CENPP: variants seen among roughly 807,000 people sequenced by gnomAD.
The protein encoded by CENPP is centromere protein P.
In CENPP, 24 loss-of-function variants were observed where a neutral mutation model predicts 35.6. The ratio of observed to expected loss-of-function variants is 0.67; its 90% CI spans 0.49 to 0.95. CENPP has a LOEUF of 0.95. CENPP is among the 40% of genes least tolerant of loss of function. The pLI is 0.00. For synonymous variants in CENPP, 120 were observed against 125.5 expected (o/e 0.96, Z 0.29); for missense variants, 332 against 345.3 (o/e 0.96, Z 0.31).
intron 1 of CENPP, among the ~76,000 whole-genome samples, chr9:92,327,854 G>A (rs935114858): frequency 1.3e-5 from 2 of 152,090 alleles, no homozygotes; most frequent in Non-Finnish European, 2.9e-5. Context: ...AAAGGTAGGG[G>A]GTATGTGACT....
At chr9:92,606,086 C>A (rs1421316758) in intron 5 of CENPP, among the ~76,000 whole-genome samples, 1 of 151,980 alleles carries the variant, frequency 6.6e-6, no homozygotes, top group African/African-American at 2.4e-5. Context: ...CATGGCAAAA[C>A]CCTGTCCCTA....
chr9:92,565,293 T>TAAAAAAAAAA lies in CENPP; in HGVS notation c.565-46000_565-45991dup, dbSNP rs3078380. Among the ~76,000 whole-genome samples the TAAAAAAAAAA allele has an allele frequency of 6.0e-4, 20 of 33,150 alleles. 1 individual carries two copies. Among genetic ancestry groups the TAAAAAAAAAA allele is most frequent in the African/African-American group, 7.1e-4 (5 of 7,090 alleles). 21.7% of individuals were successfully genotyped at this position (33,150 alleles called of 152,430 possible). ...ACTAACACTATGATAGCTGATGAGC[T>TAAAAAAAAAA]AAAAAAAAAAAAAAAAAAAAAAAAA... On this transcript the variant is annotated intron_variant, in intron 5 of 7. Coordinates refer to ENST00000375587, the MANE Select transcript of CENPP (RefSeq NM_001012267.3).
At chr9:92,494,083 C>A in intron 5 of CENPP, 1 of 1,597,426 alleles carries the variant, frequency 6.3e-7, no homozygotes, top group Middle Eastern at 1.7e-4. Flanking sequence ...CTTATTGCCT[C>A]TACCAGAGAG....
At chr9:92,473,076 T>C (rs1262917530) in intron 5 of CENPP, among the ~76,000 whole-genome samples, 1 of 152,052 alleles carries the variant, frequency 6.6e-6, no homozygotes, top group African/African-American at 2.4e-5. Flanking sequence ...TATTCTTAGG[T>C]GGATTTTGTT....
At chr9:92,498,582 A>G (rs1321933118) in intron 5 of CENPP, among the ~76,000 whole-genome samples, 1 of 151,846 alleles carries the variant, frequency 6.6e-6, no homozygotes, top group Admixed American at 6.6e-5. Context: ...AAAAGAAAAG[A>G]GCAATTTCTA....
intron 5 of CENPP, among the ~76,000 whole-genome samples, chr9:92,438,202 C>T (rs1844295230): frequency 6.6e-6 from 1 of 152,068 alleles, no homozygotes; most frequent in Non-Finnish European, 1.5e-5. Flanking sequence ...CCTGTTTCTT[C>T]CAGAAGTTTT....
At chr9:92,398,793 G>T (rs536118369) in intron 5 of CENPP, among the ~76,000 whole-genome samples, 1 of 152,096 alleles carries the variant, frequency 6.6e-6, no homozygotes, top group Non-Finnish European at 1.5e-5. Context: ...AAAGTTGGCC[G>T]GGAGTGGTGG....
intron 5 of CENPP, among the ~76,000 whole-genome samples, chr9:92,585,628 C>A (rs1172423767): frequency 6.6e-6 from 1 of 152,168 alleles, no homozygotes; most frequent in African/African-American, 2.4e-5. Flanking sequence ...ATCAGTATCT[C>A]CTCTGAAACC....
At chr9:92,575,892 C>T (rs1044064972) in intron 5 of CENPP, among the ~76,000 whole-genome samples, 4 of 152,028 alleles carry the variant, frequency 2.6e-5, no homozygotes, top group East Asian at 1.9e-4. Context: ...AGAACCGTTG[C>T]GCGCTGTTAT....
chr9:92,343,681 C>G (rs888002880), intron 3 of CENPP, among the ~76,000 whole-genome samples: 1 of 152,194 alleles, frequency 6.6e-6, no homozygotes, highest in African/African-American at 2.4e-5. Context: ...CACATTGGCT[C>G]ACGCCTATAA....
intron 5 of CENPP, among the ~76,000 whole-genome samples, chr9:92,504,396 G>A (rs568168067): frequency 7.9e-5 from 12 of 152,298 alleles, no homozygotes; most frequent in Admixed American, 5.2e-4. Context: ...GGCTGCAGCC[G>A]GAGAATGCTC....
intron 5 of CENPP, among the ~76,000 whole-genome samples, chr9:92,446,640 G>A (rs1844558424): frequency 6.6e-6 from 1 of 152,032 alleles, no homozygotes; most frequent in African/African-American, 2.4e-5. Flanking sequence ...GCATCATTCA[G>A]TGATTTCATT....
chr9:92,616,449 A>AC lies in CENPP; in HGVS notation c.*3301dup, dbSNP rs1309232202. 2 of 164,560 alleles carry AC rather than the reference A, an allele frequency of 1.2e-5. No homozygotes were observed. The highest frequency in any genetic ancestry group is 2.7e-5 in the Non-Finnish European group (2 of 75,436). 10.2% of individuals were successfully genotyped at this position (164,560 alleles called of 1,614,324 possible). On this transcript the variant is annotated 3_prime_UTR_variant, in exon 8 of 8. Coordinates refer to ENST00000375587, the MANE Select transcript of CENPP (RefSeq NM_001012267.3). ...TGGTATAAACGAACGCTGAAAAATC[A>AC]CTTTATCATGAGCCAAGTATTACAA...
chr9:92,526,430 G>A (rs938689115), intron 5 of CENPP, among the ~76,000 whole-genome samples: 3 of 151,974 alleles, frequency 2.0e-5, no homozygotes, highest in African/African-American at 7.3e-5. Flanking sequence ...TACAGCAAAA[G>A]CAGTACTAAG....
intron 5 of CENPP, chr9:92,505,414 T>C (rs1846941030): frequency 1.1e-6 from 1 of 899,906 alleles, no homozygotes; most frequent in African/African-American, 1.8e-5. Flanking sequence ...CAGGAAATTC[T>C]GTATACAGCA....
At chr9:92,458,803 A>T (rs1207268624) in intron 5 of CENPP, among the ~76,000 whole-genome samples, 1 of 152,196 alleles carries the variant, frequency 6.6e-6, no homozygotes, top group Non-Finnish European at 1.5e-5. Context: ...GCATTTGGAA[A>T]AGTCAAAGCA....
At chr9:92,442,710 G>T (rs887940049) in intron 5 of CENPP, among the ~76,000 whole-genome samples, 2 of 151,830 alleles carry the variant, frequency 1.3e-5, no homozygotes, top group African/African-American at 4.8e-5. Flanking sequence ...TTAGCCAGGC[G>T]TGGTGGTGGG....
chr9:92,489,021 A>T (rs58306593), intron 5 of CENPP, among the ~76,000 whole-genome samples: 2 of 152,252 alleles, frequency 1.3e-5, no homozygotes, highest in African/African-American at 2.4e-5. Flanking sequence ...AGAAATGGTC[A>T]TGCCTTTATG....
chr9:92,345,945 C>G (rs1346270660), intron 4 of CENPP, among the ~76,000 whole-genome samples, 158 bp downstream of exon 4: 1 of 152,148 alleles, frequency 6.6e-6, no homozygotes, highest in African/African-American at 2.4e-5. Flanking sequence ...TTCTCTATAT[C>G]TATCATTCTT....
Sources: allele counts gnomAD v4.1 joint callset (sites outside exome capture counted in the v4.1 genomes callset), GRCh38; gene constraint gnomAD v4.1.1; transcripts MANE v1.5; gene names NCBI Gene and HGNC (gene_info 2026-07-23, HGNC 2026-07-21).